Variants in MSH3 observed in about 807,000 individuals in gnomAD.
The protein encoded by MSH3 is mutS homolog 3, also known as DNA mismatch repair protein Msh3.
In MSH3, 106 loss-of-function variants were observed where a neutral mutation model predicts 123.3. That is an observed-to-expected ratio of 0.86 (90% confidence interval 0.73 to 1.01). The LOEUF (loss-of-function observed/expected upper bound fraction) is 1.01, where lower values mean the gene tolerates loss of function less well. Ranked by LOEUF, MSH3 falls within the 50% of genes least tolerant of loss-of-function variation. The pLI, the probability that MSH3 is intolerant of heterozygous loss-of-function variation, is 0.00. For missense variants in MSH3, 1,459 were observed against 1,347.6 expected, an observed-to-expected ratio of 1.08 and a Z score of -1.29; for synonymous variants, 515 against 481.4, an observed-to-expected ratio of 1.07 and a Z score of -0.91.
chr5:80,775,815 A>G (rs1033240118), intron 16 of MSH3, 57 bp downstream of exon 16: 23 of 905,882 alleles, frequency 2.5e-5, no homozygotes, highest in East Asian at 4.9e-5. Flanking sequence ...CTGTATATCT[A>G]TGTGCTACTG....
intron 20 of MSH3, among the ~76,000 whole-genome samples, chr5:80,846,398 A>T (rs1454241020): frequency 6.7e-6 from 1 of 150,240 alleles, no homozygotes; most frequent in Non-Finnish European, 1.5e-5. Flanking sequence ...CCCTTCTCGG[A>T]GGTCGAATGC....
At chr5:80,728,734 T>C in intron 9 of MSH3, 117 bp from the exon 10 acceptor site, 1 of 629,822 alleles carries the variant, frequency 1.6e-6, no homozygotes, top group Non-Finnish European at 2.8e-6. Flanking sequence ...ACCATTAAGT[T>C]TTACTTAAAA....
At chr5:80,724,869 TGATA>T (rs1481466894) in intron 8 of MSH3, among the ~76,000 whole-genome samples, 1 of 152,162 alleles carries the variant, frequency 6.6e-6, no homozygotes. Context: ...TTTTAAATAA[TGATA>T]GATATAAAAT....
chr5:80,807,476 A>G (rs1744911943), intron 19 of MSH3, among the ~76,000 whole-genome samples: 1 of 152,242 alleles, frequency 6.6e-6, no homozygotes. Flanking sequence ...GACAGAGGTC[A>G]TAGTGATGGT....
At chr5:80,808,492 C>G (rs563787669) in intron 19 of MSH3, among the ~76,000 whole-genome samples, 1 of 152,116 alleles carries the variant, frequency 6.6e-6, no homozygotes, top group Non-Finnish European at 1.5e-5. Context: ...TCATTTTGTT[C>G]TCTCACTCAC....
intron 9 of MSH3, among the ~76,000 whole-genome samples, chr5:80,726,162 C>A (rs981982030): frequency 1.3e-5 from 2 of 152,154 alleles, no homozygotes; most frequent in African/African-American, 2.4e-5. Context: ...TGTTTACTTT[C>A]ATTTGTACCT....
At chr5:80,746,218 T>C (rs1479716916) in intron 12 of MSH3, 6 of 248,988 alleles carry the variant, frequency 2.4e-5, no homozygotes, top group African/African-American at 1.2e-4. Flanking sequence ...AATATTCTGC[T>C]CATACGATTG....
chr5:80,834,824 C>G (rs1745481734), intron 20 of MSH3, among the ~76,000 whole-genome samples: 1 of 152,086 alleles, frequency 6.6e-6, no homozygotes, highest in South Asian at 2.1e-4. Flanking sequence ...GGCCTGCCCT[C>G]CTTAAGAAAG....
intron 19 of MSH3, among the ~76,000 whole-genome samples, chr5:80,800,539 CA>C (rs1308364605): frequency 6.6e-6 from 1 of 152,176 alleles, no homozygotes; most frequent in Non-Finnish European, 1.5e-5. Flanking sequence ...AAGAGATTAG[CA>C]CATTAGATGA....
chr5:80,745,595 T>C (rs1743701238), intron 12 of MSH3, among the ~76,000 whole-genome samples: 5 of 152,242 alleles, frequency 3.3e-5, no homozygotes, highest in Admixed American at 2.6e-4. Flanking sequence ...TGAATAGTTA[T>C]ACCTCTGGCT....
intron 8 of MSH3, among the ~76,000 whole-genome samples, chr5:80,696,900 T>C (rs954481859): frequency 6.6e-6 from 1 of 152,174 alleles, no homozygotes; most frequent in African/African-American, 2.4e-5. Context: ...GTGAATCTGA[T>C]TGAGAAAAAG....
At chr5:80,818,925 G>A (rs1020128004) in intron 20 of MSH3, among the ~76,000 whole-genome samples, 7 of 152,182 alleles carry the variant, frequency 4.6e-5, no homozygotes, top group African/African-American at 1.7e-4. Context: ...ATTTGAGAAA[G>A]AGATAAGATC....
intron 20 of MSH3, among the ~76,000 whole-genome samples, chr5:80,832,789 G>A (rs1745442664): frequency 6.6e-6 from 1 of 151,574 alleles, no homozygotes; most frequent in Admixed American, 6.6e-5. Context: ...TAATACTGTT[G>A]TAATAGGAAT....
chr5:80,847,766 T>C (rs953952621), intron 20 of MSH3, among the ~76,000 whole-genome samples: 27 of 152,366 alleles, frequency 1.8e-4, no homozygotes, highest in Non-Finnish European at 3.4e-4. Flanking sequence ...TCTTAAGTTA[T>C]TTTATGTCAT....
chr5:80,764,633 G>T (rs911433038), intron 13 of MSH3, among the ~76,000 whole-genome samples: 2 of 151,906 alleles, frequency 1.3e-5, no homozygotes, highest in Admixed American at 1.3e-4. Flanking sequence ...AGTGTGTTGG[G>T]ATTACGGGTG....
At chr5:80,788,802 CAAA>C (rs199590090) in intron 18 of MSH3, among the ~76,000 whole-genome samples, 8 of 90,076 alleles carry the variant, frequency 8.9e-5, no homozygotes, top group Admixed American at 2.1e-4. Flanking sequence ...GAGCCTGTCT[CAAA>C]AAAAAAAAAA....
chr5:80,704,920 G>A (rs1326818148), intron 8 of MSH3, among the ~76,000 whole-genome samples: 1 of 152,112 alleles, frequency 6.6e-6, no homozygotes, highest in Admixed American at 6.5e-5. Context: ...TGAGAGCACA[G>A]AATAATGGTC....
At chr5:80,729,088 G>A (rs1044517493) in intron 10 of MSH3, 123 bp downstream of exon 10, 3 of 667,856 alleles carry the variant, frequency 4.5e-6, no homozygotes, top group Non-Finnish European at 8.0e-6. Context: ...TAGGGTGCAA[G>A]GATGAGCTGT....
chr5:80,873,982 T>G (rs1580104964), intron 23 of MSH3, among the ~76,000 whole-genome samples: 1 of 152,136 alleles, frequency 6.6e-6, no homozygotes, highest in South Asian at 2.1e-4. Flanking sequence ...AAGCTCCCCA[T>G]CCACCTACTG....
Sources: allele counts gnomAD v4.1 joint callset (sites outside exome capture counted in the v4.1 genomes callset), GRCh38; gene constraint gnomAD v4.1.1; transcripts MANE v1.5; gene names NCBI Gene and HGNC (gene_info 2026-07-23, HGNC 2026-07-21).